CCNT1: variants seen among roughly 807,000 people sequenced by gnomAD.
The protein encoded by CCNT1 is cyclin-T1.
CCNT1 carries 18 observed loss-of-function variants against 67.3 expected under a neutral mutation model. The ratio of observed to expected loss-of-function variants is 0.27; its 90% confidence interval spans 0.18 to 0.40. The LOEUF is 0.40. Among genes scored for constraint, CCNT1 ranks in the 10% least tolerant of loss-of-function variants. The pLI is 1.00. For missense variants in CCNT1, 744 were observed against 884.9 expected, an observed-to-expected ratio of 0.84 and a Z score of 2.02; for synonymous variants, 333 against 310.3, an observed-to-expected ratio of 1.07 and a Z score of -0.77.
rs181451162 is a variant in CCNT1 at position 48,711,237 on chromosome 12, G to A, written c.243+3206C>T. Reference sequence around the variant, plus strand: ...TATACTAAAAATACAAAAATTAGCTGGGTGTGGTGGCGGGTGCCTGTAGTC... The same window carrying A: ...TATACTAAAAATACAAAAATTAGCTAGGTGTGGTGGCGGGTGCCTGTAGTC... On this transcript the variant is annotated intron_variant, in intron 2 of 8. Transcript: ENST00000261900. Among the ~76,000 whole-genome samples, 334 of 152,034 alleles carry A rather than the reference G, an allele frequency of 2.2e-3. 2 individuals carry two copies. Among genetic ancestry groups the A allele is most frequent in the African/African-American group, 7.6e-3 (317 of 41,476 alleles).
Position 48,697,534 on chromosome 12 carries a change from A to AAT in CCNT1, c.542+602_542+603dup, listed in dbSNP as rs771889041. Among the ~76,000 whole-genome samples the AAT allele has an allele frequency of 5.5e-3, 720 of 130,652 alleles. 7 individuals are homozygous for AAT. Among genetic ancestry groups the AAT allele is most frequent in the South Asian group, 9.9e-3 (42 of 4,248 alleles). The allele number at this position is 130,652 out of a possible 152,430, so 85.7% of individuals were successfully genotyped here. On this transcript the variant is annotated intron_variant, in intron 6 of 8. Coordinates refer to ENST00000261900, the MANE Select transcript of CCNT1 (RefSeq NM_001240.4). The stretch of plus-strand genomic sequence containing the variant: ...TGAGACTCTGTCTTAAAAAAAAAAA[A>AAT]ATATATATATATATATATATATATG...
chr12:48,712,152 G>A (rs936978012), intron 2 of CCNT1, among the ~76,000 whole-genome samples: 1 of 152,018 alleles, frequency 6.6e-6, no homozygotes, highest in African/African-American at 2.4e-5. Context: ...TCCCAATACT[G>A]TTTCTGCCAG....
At chr12:48,704,397 C>A (rs1940321845) in intron 3 of CCNT1, among the ~76,000 whole-genome samples, 1 of 152,204 alleles carries the variant, frequency 6.6e-6, no homozygotes, top group Non-Finnish European at 1.5e-5. Flanking sequence ...AGCACTTGAA[C>A]CCTGTGGTGA....
chr12:48,697,534 A>AAAAAAAAAAAAAAATAT (rs1288926072), intron 6 of CCNT1, among the ~76,000 whole-genome samples: 18 of 130,684 alleles, frequency 1.4e-4, no homozygotes, highest in African/African-American at 5.5e-4. Flanking sequence ...AAAAAAAAAA[A>AAAAAAAAAAAAAAATAT]ATATATATAT....
rs1940060540 is a variant in CCNT1 at position 48,690,814 on chromosome 12, A to G, written c.*2219T>C. The G allele has an allele frequency of 6.6e-6, 1 of 152,222 alleles. No individual in the cohort carries two copies. The allele number at this position is 152,222 out of a possible 1,614,324, so 9.4% of individuals were successfully genotyped here. ...GTAAAGGAGTGCATGTGATTAGAAA[A>G]TATGTGACATTTGATGAGAGTAACT... On this transcript the variant is annotated 3_prime_UTR_variant, in exon 9 of 9. Coordinates refer to ENST00000261900, the MANE Select transcript of CCNT1 (RefSeq NM_001240.4).
At chr12:48,697,522 T>TAAAA (rs1205232506) in intron 6 of CCNT1, among the ~76,000 whole-genome samples, 4 of 116,804 alleles carry the variant, frequency 3.4e-5, no homozygotes, top group East Asian at 2.3e-4. Context: ...GACTCTGTCT[T>TAAAA]AAAAAAAAAA....
intron 5 of CCNT1, among the ~76,000 whole-genome samples, chr12:48,698,699 T>C (rs1940218894): frequency 6.6e-6 from 1 of 152,228 alleles, no homozygotes; most frequent in Non-Finnish European, 1.5e-5. Flanking sequence ...GGCTCACGCC[T>C]GTAATCCCAG....
At chr12:48,694,569 T>C (rs1592117819) in intron 8 of CCNT1, 133 bp from the exon 9 acceptor site, 1 of 685,668 alleles carries the variant, frequency 1.5e-6, no homozygotes, top group Non-Finnish European at 2.5e-6. Context: ...TCCTAACATG[T>C]AATCCAATAA....
Position 48,689,037 on chromosome 12 carries a change from TC to T in CCNT1, c.*3995del, listed in dbSNP as rs2137216010. 1 of 152,348 alleles carries T rather than the reference TC, an allele frequency of 6.6e-6. No homozygotes were observed. Among genetic ancestry groups the T allele is most frequent in the African/African-American group, 2.4e-5 (1 of 41,572 alleles). 9.4% of individuals were successfully genotyped at this position (152,348 alleles called of 1,614,324 possible). A position where few individuals can be genotyped will look rare whatever the true frequency, so the allele number is the denominator to read the frequency against. Reference sequence around the variant, plus strand: ...AGTTCCTCAGCTTCAACTGAAGAGTTCCTGATTACCTGATGAAGGACATACT... The same window carrying T: ...AGTTCCTCAGCTTCAACTGAAGAGTTCTGATTACCTGATGAAGGACATACT... On this transcript the variant is annotated 3_prime_UTR_variant, in exon 9 of 9. Coordinates refer to ENST00000261900, the MANE Select transcript of CCNT1 (RefSeq NM_001240.4).
Position 48,699,544 on chromosome 12 carries a change from C to T in CCNT1, c.496+234G>A, listed in dbSNP as rs74088137. Among the ~76,000 whole-genome samples, 3,081 of 152,282 alleles carry T rather than the reference C, an allele frequency of 0.02. 111 individuals carry two copies. The highest frequency in any genetic ancestry group is 0.071 in the African/African-American group (2,930 of 41,544). On this transcript the variant is annotated intron_variant, in intron 5 of 8. Transcript: ENST00000261900. Reference sequence around the variant, plus strand: ...CTGTTAAATAACTTCACAAACTGCCCAACTTTGACAAACATTCTCAAGAGG... The same window carrying T: ...CTGTTAAATAACTTCACAAACTGCCTAACTTTGACAAACATTCTCAAGAGG...
At chr12:48,713,587 C>A (rs1940489397) in intron 2 of CCNT1, among the ~76,000 whole-genome samples, 1 of 152,098 alleles carries the variant, frequency 6.6e-6, no homozygotes, top group South Asian at 2.1e-4. Flanking sequence ...AGTTTGAGAC[C>A]AGGCTGGACA....
intron 7 of CCNT1, 73 bp downstream of exon 7, chr12:48,695,926 C>T: frequency 6.4e-7 from 1 of 1,564,476 alleles, no homozygotes; most frequent in African/African-American, 1.4e-5. Flanking sequence ...TCATCTGAAT[C>T]AAGTCACCTT....
intron 5 of CCNT1, among the ~76,000 whole-genome samples, chr12:48,698,577 C>T (rs967803866): frequency 6.6e-6 from 1 of 152,194 alleles, no homozygotes; most frequent in Admixed American, 6.5e-5. Context: ...CACTAAACTA[C>T]AGGATGAACT....
intron 3 of CCNT1, among the ~76,000 whole-genome samples, chr12:48,701,417 TC>T (rs1940267490): frequency 6.6e-6 from 1 of 151,152 alleles, no homozygotes; most frequent in South Asian, 2.1e-4. Context: ...ACAATCTTTA[TC>T]CCTTATGCCC....
At chr12:48,714,417 A>G in intron 2 of CCNT1, 26 bp downstream of exon 2, 4 of 1,399,264 alleles carry the variant, frequency 2.9e-6, no homozygotes, top group Admixed American at 1.7e-5. Context: ...CAAAAGGATT[A>G]TATCATATAA....
chr12:48,693,561 T>G lies in CCNT1; in HGVS notation c.1653A>C (p.Thr551=). 2 of 1,614,160 alleles carry G rather than the reference T, an allele frequency of 1.2e-6. No individual in the cohort carries two copies. The highest frequency in any genetic ancestry group is 8.5e-7 in the Non-Finnish European group (1 of 1,180,030). ...RPGDPKHSSQ[T]SNLAHKTYSL... is the part of the protein sequence containing the mutation. Reference sequence around the variant, plus strand: ...TATAGGTTTTATGTGCTAAGTTGCTTGTCTGGCTACTATGTTTTGGATCAC... The same window carrying G: ...TATAGGTTTTATGTGCTAAGTTGCTGGTCTGGCTACTATGTTTTGGATCAC... Residue 551 remains threonine, a synonymous_variant, in exon 9 of 9, where the codon ACA becomes ACC. Transcript: ENST00000261900.
In CCNT1 at chr12:48,692,935, A is replaced by G; in HGVS notation, c.*98T>C. The G allele has an allele frequency of 1.3e-6, 1 of 782,740 alleles. No homozygotes were observed. 48.5% of individuals were successfully genotyped at this position (782,740 alleles called of 1,614,324 possible). ...TATCAATTTATTCCCTAGTCCAAGG[A>G]TGACATATTTCATAAGTAATTTTCT... On this transcript the variant is annotated 3_prime_UTR_variant, in exon 9 of 9. Coordinates refer to ENST00000261900, the MANE Select transcript of CCNT1 (RefSeq NM_001240.4).
At position 48,714,967 on chromosome 12, in the gene CCNT1, CA is replaced by C. The variant is rs376670368; in HGVS notation, c.162-444del. 1.6e-4 allele frequency among the ~76,000 whole-genome samples: 24 copies of C among 152,270 alleles called. No homozygotes were observed. In the East Asian group the frequency reaches 4.6e-3, roughly 29 times the overall value. On this transcript the variant is annotated intron_variant, in intron 1 of 8. Transcript: ENST00000261900. ...AGCTGAGATTACAGGCGCCCACCAA[CA>C]GACCTGGCTACTTTTTGTATTTTTA...
At chr12:48,706,846 T>C (rs1031002319) in intron 2 of CCNT1, among the ~76,000 whole-genome samples, 8 of 152,212 alleles carry the variant, frequency 5.3e-5, no homozygotes. Context: ...TAAGTTTTTC[T>C]CCACAAATTC....
Sources: gnomAD v4.1 joint callset for allele counts (sites outside exome capture counted in the v4.1 genomes callset) on GRCh38, gnomAD v4.1.1 for gene constraint, MANE v1.5 for transcripts, NCBI Gene and HGNC (gene_info 2026-07-23, HGNC 2026-07-21) for gene names.